ERICH3: variants seen among roughly 807,000 people sequenced by gnomAD.
ERICH3 encodes glutamate rich 3, also known as glutamate-rich protein 3.
Under a neutral mutation model 131.1 loss-of-function variants are expected in ERICH3, and 126 were observed. The observed-to-expected ratio is 0.96, with a 90% confidence interval of 0.83 to 1.11. ERICH3 has a LOEUF of 1.11. Among genes scored for constraint, ERICH3 ranks in the 50% most tolerant of loss-of-function variants. The pLI, the probability that ERICH3 is intolerant of heterozygous loss-of-function variation, is 0.00. For synonymous variants in ERICH3, 695 were observed against 644.6 expected, an observed-to-expected ratio of 1.08 and a Z score of -1.18; for missense variants, 2,050 against 1,810.7, an observed-to-expected ratio of 1.13 and a Z score of -2.40.
intron 6 of ERICH3, among the ~76,000 whole-genome samples, chr1:74,634,021 C>T (rs1471034936): frequency 6.6e-6 from 1 of 152,066 alleles, no homozygotes; most frequent in African/African-American, 2.4e-5. Context: ...AAAGTTCAAC[C>T]TACTTCTATC....
rs550589505 is a variant in ERICH3 at position 74,615,889 on chromosome 1, G to A, written c.1001-3080C>T. On this transcript the variant is annotated intron_variant, in intron 8 of 14. Coordinates refer to ENST00000326665, the MANE Select transcript of ERICH3 (RefSeq NM_001002912.5). The stretch of plus-strand genomic sequence containing the variant: ...TAGAGTGCAAGGAGAAAAACCTTTC[G>A]CCTGTGGTATGACCAGTAATAAGTA... Among the ~76,000 whole-genome samples the A allele has an allele frequency of 9.9e-5, 15 of 152,268 alleles. No homozygotes were observed. In the East Asian group the frequency reaches 1.5e-3, roughly 16 times the overall value.
At chr1:74,660,962 T>C (rs624818) in intron 1 of ERICH3, among the ~76,000 whole-genome samples, 29,800 of 150,854 alleles carry the variant, frequency 0.2, 3,218 homozygotes, top group South Asian at 0.3. Flanking sequence ...TCAGAAATGA[T>C]CCCACAGAGC....
intron 12 of ERICH3, among the ~76,000 whole-genome samples, chr1:74,589,086 A>G (rs984567083): frequency 2.6e-5 from 4 of 152,096 alleles, no homozygotes; most frequent in African/African-American, 9.7e-5. Flanking sequence ...AACTTATTTA[A>G]CCTTTGGAAG....
At chr1:74,608,899 T>C (rs1648525311) in intron 9 of ERICH3, among the ~76,000 whole-genome samples, 1 of 152,076 alleles carries the variant, frequency 6.6e-6, no homozygotes, top group Non-Finnish European at 1.5e-5. Context: ...GCCTCTGATA[T>C]GTTGTTACTT....
chr1:74,585,396 C>T (rs1019917160), intron 12 of ERICH3, among the ~76,000 whole-genome samples: 4 of 152,060 alleles, frequency 2.6e-5, no homozygotes, highest in Non-Finnish European at 4.4e-5. Context: ...TGGACAAAGT[C>T]CAATTAAATA....
Position 74,612,719 on chromosome 1 carries a change from G to A in ERICH3, c.1091C>T (p.Ser364Phe). The change falls in exon 9 of 15, where the codon TCC becomes TTC. Residue 364 changes from serine to phenylalanine, a missense_variant. Transcript: ENST00000326665. ...LNGMQVNRLS[S>F]CCEYKHRKGS... ...TTTCCGATGCTTGTATTCACAACAG[G>A]AGCTTAACCTGTTCACCTGCATCCC... The A allele has an allele frequency of 1.2e-6, 2 of 1,606,574 alleles. No individual in the cohort carries two copies. Among genetic ancestry groups the A allele is most frequent in the Non-Finnish European group, 1.7e-6 (2 of 1,174,330 alleles).
At chr1:74,654,399 A>G (rs1409462965) in intron 1 of ERICH3, among the ~76,000 whole-genome samples, 1 of 149,086 alleles carries the variant, frequency 6.7e-6, no homozygotes, top group East Asian at 1.9e-4. Flanking sequence ...CTACAGTAGG[A>G]TATGTATATC....
chr1:74,651,857 AT>A (rs1349639778), intron 1 of ERICH3, among the ~76,000 whole-genome samples: 1 of 152,170 alleles, frequency 6.6e-6, no homozygotes, highest in Non-Finnish European at 1.5e-5. Context: ...CTTCTTTAAT[AT>A]TTAGATCCTA....
At position 74,571,168 on chromosome 1, in the gene ERICH3, C is replaced by T. The variant is rs370321012; in HGVS notation, c.4542G>A (p.Val1514=). The T allele has an allele frequency of 6.2e-7, 1 of 1,614,104 alleles. No homozygotes were observed. The highest frequency in any genetic ancestry group is 8.5e-7 in the Non-Finnish European group (1 of 1,179,992). Residue 1514 remains valine, a synonymous_variant, in exon 14 of 15, where the codon GTG becomes GTA. Transcript: ENST00000326665. The stretch of plus-strand genomic sequence containing the variant: ...CATCTGCAGTCTCGCTTTCTCCTTG[C>T]ACCATATGCTGTTGCTTCTCTCGGG... ...TETREKQQHM[V]QGESETADVS...
intron 8 of ERICH3, among the ~76,000 whole-genome samples, chr1:74,614,535 G>A (rs891520639): frequency 0.015 from 2,237 of 151,300 alleles, 73 homozygotes; most frequent in African/African-American, 0.052. Context: ...AAATTAGCCG[G>A]GCGTGGTAGC....
At chr1:74,625,462 A>T (rs1038620311) in intron 7 of ERICH3, 12 of 152,104 alleles carry the variant, frequency 7.9e-5, no homozygotes, top group African/African-American at 2.7e-4. Flanking sequence ...TGATCATTCA[A>T]AGCCCATTTC....
chr1:74,584,009 T>C (rs1378918550), intron 12 of ERICH3, among the ~76,000 whole-genome samples: 1 of 152,206 alleles, frequency 6.6e-6, no homozygotes, highest in Non-Finnish European at 1.5e-5. Context: ...ACCATAAAGA[T>C]ATGCCCAACT....
rs1396569139 is a variant in ERICH3 at position 74,636,370 on chromosome 1, A to G, written c.513T>C (p.Ser171=). 1 of 1,613,100 alleles carries G rather than the reference A, an allele frequency of 6.2e-7. No homozygotes were observed. Among genetic ancestry groups the G allele is most frequent in the Non-Finnish European group, 8.5e-7 (1 of 1,179,364 alleles). ...QPPIRLQPLP[S]NPAVETVPKV... ...TTGGAACAGTTTCTACTGCAGGATT[A>G]CTGGGAAGAGGCTGTAATCGAATTG... is the stretch of plus-strand genomic sequence containing the variant. The change falls in exon 6 of 15, where the codon AGT becomes AGC. Residue 171 remains serine (S), a synonymous_variant. Transcript: ENST00000326665.
intron 13 of ERICH3, among the ~76,000 whole-genome samples, chr1:74,575,450 G>A (rs1329318993): frequency 6.6e-6 from 1 of 152,146 alleles, no homozygotes; most frequent in Admixed American, 6.5e-5. Flanking sequence ...AAAGCAAAAT[G>A]TAGAATCAAA....
intron 6 of ERICH3, among the ~76,000 whole-genome samples, chr1:74,635,165 C>G (rs1461337846): frequency 6.6e-6 from 1 of 152,052 alleles, no homozygotes; most frequent in Non-Finnish European, 1.5e-5. Flanking sequence ...CAGGAAATCT[C>G]TGGGTCTTCA....
Position 74,589,835 on chromosome 1 carries a change from G to A in ERICH3, c.1972C>T (p.Pro658Ser), listed in dbSNP as rs1048864053. The A allele has an allele frequency of 6.2e-7, 1 of 1,613,910 alleles. No individual in the cohort carries two copies. The highest frequency in any genetic ancestry group is 8.5e-7 in the Non-Finnish European group (1 of 1,179,990). The change falls in exon 12 of 15, where the codon CCG (proline) becomes TCG (serine). Residue 658 changes from proline (P) to serine (S), a missense_variant. Coordinates refer to ENST00000326665, the MANE Select transcript of ERICH3 (RefSeq NM_001002912.5). ...EITKADVETK[P>S]MPIDESFENV... is the part of the protein sequence containing the mutation. ...TCAAAGCTTTCGTCTATTGGCATCGGCTTGGTCTCCACATCTGCTTTTGTT... is the reference window on the plus strand; with the variant it reads ...TCAAAGCTTTCGTCTATTGGCATCGACTTGGTCTCCACATCTGCTTTTGTT...
intron 12 of ERICH3, among the ~76,000 whole-genome samples, chr1:74,583,237 G>GTTTC (rs1647210440): frequency 6.6e-6 from 1 of 152,044 alleles, no homozygotes. Context: ...TTGTTTGTTT[G>GTTTC]TTTTTACAGT....
chr1:74,647,331 C>T (rs1646494680), intron 2 of ERICH3, among the ~76,000 whole-genome samples: 1 of 152,076 alleles, frequency 6.6e-6, no homozygotes, highest in Non-Finnish European at 1.5e-5. Context: ...GAAGGGCAAA[C>T]ATGCGAGCTA....
chr1:74,619,202 T>A (rs1649108425), intron 8 of ERICH3, among the ~76,000 whole-genome samples: 1 of 152,222 alleles, frequency 6.6e-6, no homozygotes, highest in Non-Finnish European at 1.5e-5. Flanking sequence ...GACACCCTTT[T>A]TCCCATAACC....
Sources: allele counts gnomAD v4.1 joint callset (sites outside exome capture counted in the v4.1 genomes callset), GRCh38; gene constraint gnomAD v4.1.1; transcripts MANE v1.5; gene names NCBI Gene and HGNC (gene_info 2026-07-23, HGNC 2026-07-21).